DDX23: variants seen among roughly 807,000 people sequenced by gnomAD.
DDX23 encodes probable ATP-dependent RNA helicase DDX23.
In DDX23, 33 loss-of-function variants were observed where a neutral mutation model predicts 102.7. That is an observed-to-expected ratio of 0.32 (90% CI 0.24 to 0.43). The LOEUF (loss-of-function observed/expected upper bound fraction) is 0.43. DDX23 is among the 20% of genes least tolerant of loss of function. DDX23 has a pLI of 1.00. For missense variants in DDX23, 549 were observed against 1,086.6 expected (o/e 0.51, Z 6.96); for synonymous variants, 352 against 376.0 (o/e 0.94, Z 0.74).
chr12:48,831,085 G>C (rs1938379401), intron 16 of DDX23, 57 bp downstream of exon 16: 1 of 1,593,522 alleles, frequency 6.3e-7, no homozygotes, highest in Admixed American at 1.7e-5. Flanking sequence ...CTTCCAGTGG[G>C]ACACCATAAG....
At chr12:48,835,767 G>A (rs1456659576) in intron 11 of DDX23, among the ~76,000 whole-genome samples, 2 of 152,086 alleles carry the variant, frequency 1.3e-5, no homozygotes, top group African/African-American at 4.8e-5. Context: ...GCACACGCCT[G>A]TAATCCCCAG....
At chr12:48,843,832 G>T (rs530554097) in intron 3 of DDX23, 108 bp downstream of exon 3, 1 of 1,204,910 alleles carries the variant, frequency 8.3e-7, no homozygotes. Flanking sequence ...ACAGGCGTGA[G>T]CCACCACGCC....
At chr12:48,833,549 C>A (rs757778151) in intron 12 of DDX23, 30 bp from the exon 13 acceptor site, 2 of 1,603,094 alleles carry the variant, frequency 1.2e-6, no homozygotes, top group South Asian at 1.1e-5. Flanking sequence ...CATTTATAGC[C>A]CAGCAGGTGC....
At chr12:48,843,830 G>A in intron 3 of DDX23, 110 bp downstream of exon 3, 1 of 1,202,640 alleles carries the variant, frequency 8.3e-7, no homozygotes, top group Admixed American at 1.8e-5. Context: ...TTACAGGCGT[G>A]AGCCACCACG....
chr12:48,843,830 G>C, intron 3 of DDX23, 110 bp downstream of exon 3: 1 of 1,202,642 alleles, frequency 8.3e-7, no homozygotes, highest in Non-Finnish European at 1.2e-6. Flanking sequence ...TTACAGGCGT[G>C]AGCCACCACG....
In DDX23 at chr12:48,830,104, G is replaced by C. The variant is rs1479322657; in HGVS notation, c.*365C>G. The stretch of plus-strand genomic sequence containing the variant: ...GCAGTTTATGCAGTTACACAGTCAA[G>C]TCTGTGCCAAAGGAGGTCCCATCCG... On this transcript the variant is annotated 3_prime_UTR_variant, in exon 17 of 17. Coordinates refer to ENST00000308025, the MANE Select transcript of DDX23 (RefSeq NM_004818.3). This position sits in a 1 kb window ranked among gnomAD's most constrained non-coding sequence, Gnocchi z 4.9. 2.3e-6 allele frequency: 1 copy of C among 432,566 alleles called. No homozygotes were observed. Among genetic ancestry groups the C allele is most frequent in the Non-Finnish European group, 4.5e-6 (1 of 220,370 alleles). 26.8% of individuals were successfully genotyped at this position (432,566 alleles called of 1,614,324 possible).
At position 48,843,946 on chromosome 12, in the gene DDX23, C is replaced by G; in HGVS notation, c.314G>C (p.Arg105Pro). ...DGHRRDKDRKRSSLSPGRGKD... is the reference protein window; with the variant it reads ...DGHRRDKDRKPSSLSPGRGKD... ...CTCTCATTCCTTCATGTACCTGGAT[C>G]GTTTACGGTCCTTGTCCCGTCTGTG... Residue 105 changes from arginine to proline, a missense_variant, in exon 3 of 17, where the codon CGA becomes CCA. Transcript: ENST00000308025. 4 of 1,614,020 alleles carry G rather than the reference C, an allele frequency of 2.5e-6. No individual in the cohort carries two copies. Among genetic ancestry groups the G allele is most frequent in the Non-Finnish European group, 2.5e-6 (3 of 1,179,948 alleles).
intron 1 of DDX23, among the ~76,000 whole-genome samples, chr12:48,850,730 T>A (rs1287995424): frequency 6.6e-6 from 1 of 151,954 alleles, no homozygotes; most frequent in African/African-American, 2.4e-5. Flanking sequence ...CAAAAACATG[T>A]TTCAAGGAGG....
chr12:48,838,518 T>C (rs1023108054), intron 5 of DDX23, among the ~76,000 whole-genome samples: 1 of 149,846 alleles, frequency 6.7e-6, no homozygotes, highest in Admixed American at 6.6e-5. Context: ...CCACTGTACT[T>C]TAGCCTGGGC....
rs1175963338 is a variant in DDX23 at position 48,839,865 on chromosome 12, A to C, written c.459T>G (p.Ala153=). 2 of 1,614,208 alleles carry C rather than the reference A, an allele frequency of 1.2e-6. No homozygotes were observed. Among genetic ancestry groups the C allele is most frequent in the Non-Finnish European group, 8.5e-7 (1 of 1,180,030 alleles). Residue 153 remains alanine, a synonymous_variant, in exon 5 of 17, where the codon GCT becomes GCG. Coordinates refer to ENST00000308025, the MANE Select transcript of DDX23 (RefSeq NM_004818.3). ...TTACCTTAGCCTCAGCTTCTTCCTCAGCCTTTTTCTTGGCCAGAAGCTCCT... is the reference window on the plus strand; with the variant it reads ...TTACCTTAGCCTCAGCTTCTTCCTCCGCCTTTTTCTTGGCCAGAAGCTCCT... ...SLEELLAKKK[A]EEEAEAKPKF... is the part of the protein sequence containing the mutation.
At chr12:48,841,742 C>T (rs1426958639) in intron 3 of DDX23, among the ~76,000 whole-genome samples, 6 of 152,382 alleles carry the variant, frequency 3.9e-5, no homozygotes, top group South Asian at 2.1e-4. Context: ...GGATGGCACA[C>T]GGAGTCGCGT....
At chr12:48,834,612 G>A (rs1938438732) in intron 11 of DDX23, 115 bp from the exon 12 acceptor site, 3 of 983,740 alleles carry the variant, frequency 3.0e-6, no homozygotes, top group African/African-American at 1.6e-5. Flanking sequence ...AGGATGATGA[G>A]AAAAGAATGC....
chr12:48,841,522 A>G (rs963050438), intron 3 of DDX23, among the ~76,000 whole-genome samples: 4 of 152,026 alleles, frequency 2.6e-5, no homozygotes, highest in Non-Finnish European at 5.9e-5. Flanking sequence ...CCAAAGCTGG[A>G]CCGTACTGCT....
chr12:48,844,376 T>C (rs1331775904), intron 2 of DDX23, among the ~76,000 whole-genome samples: 1 of 152,014 alleles, frequency 6.6e-6, no homozygotes, highest in Middle Eastern at 3.2e-3. Flanking sequence ...CCTCCCGAGT[T>C]CAAGGAATTG....
At chr12:48,835,618 G>A (rs1434224615) in intron 11 of DDX23, among the ~76,000 whole-genome samples, 1 of 152,210 alleles carries the variant, frequency 6.6e-6, no homozygotes, top group Non-Finnish European at 1.5e-5. Flanking sequence ...GCTGAGGGAG[G>A]AGAATCACTT....
At chr12:48,833,135 C>T in intron 13 of DDX23, 142 bp downstream of exon 13, 1 of 1,270,704 alleles carries the variant, frequency 7.9e-7, no homozygotes, top group Non-Finnish European at 1.1e-6. Context: ...AGGTGTGCAC[C>T]ACCAATGCCC....
chr12:48,839,793 T>C (rs1938520459), intron 5 of DDX23, 51 bp downstream of exon 5: 1 of 1,582,594 alleles, frequency 6.3e-7, no homozygotes, highest in Admixed American at 1.7e-5. Context: ...CAGTCTGTGG[T>C]ATTGTGTTAT....
Position 48,830,370 on chromosome 12 carries a change from T to G in DDX23, c.*99A>C. 7.2e-7 allele frequency: 1 copy of G among 1,388,286 alleles called. No homozygotes were observed. Among genetic ancestry groups the G allele is most frequent in the Non-Finnish European group, 1.0e-6 (1 of 988,824 alleles). The allele number at this position is 1,388,286 out of a possible 1,614,324, so 86.0% of individuals were successfully genotyped here. A position where few individuals can be genotyped will look rare whatever the true frequency, so the allele number is the denominator to read the frequency against. On this transcript the variant is annotated 3_prime_UTR_variant, in exon 17 of 17. Coordinates refer to ENST00000308025, the MANE Select transcript of DDX23 (RefSeq NM_004818.3). The surrounding 1 kb of genome is among the most constrained non-coding windows in gnomAD (Gnocchi z 4.9). Reference sequence around the variant, plus strand: ...TGGATTGTTTTCCTAAGCCCCCATATCCCAAGAGTGAGGACCTGGAAAGAG... The same window carrying G: ...TGGATTGTTTTCCTAAGCCCCCATAGCCCAAGAGTGAGGACCTGGAAAGAG...
Position 48,831,341 on chromosome 12 carries a change from G to A in DDX23, c.2065-25C>T, listed in dbSNP as rs751666185. On this transcript the variant is annotated intron_variant, in intron 15 of 16. Transcript: ENST00000308025. ...ACTGTTGGAAGAATGGTGAAGTGAAGAGTGAGCAATGCAATCAAGGAGAGA... is the reference window on the plus strand; with the variant it reads ...ACTGTTGGAAGAATGGTGAAGTGAAAAGTGAGCAATGCAATCAAGGAGAGA... 5 of 1,612,840 alleles carry A rather than the reference G, an allele frequency of 3.1e-6. No individual in the cohort carries two copies. The South Asian group carries it at 4.4e-5, about 14-fold the overall frequency.
Sources: gnomAD v4.1 joint callset for allele counts (sites outside exome capture counted in the v4.1 genomes callset) on GRCh38, gnomAD v4.1.1 for gene constraint, Gnocchi (gnomAD v3.1) non-coding constraint, MANE v1.5 for transcripts, NCBI Gene and HGNC (gene_info 2026-07-23, HGNC 2026-07-21) for gene names.